The following KPNA7 variants were observed in gnomAD, a reference collection of about 807,000 sequenced individuals.
The protein encoded by KPNA7 is karyopherin subunit alpha 7.
Under a neutral mutation model 53.7 loss-of-function variants are expected in KPNA7, and 54 were observed. That is an observed-to-expected ratio of 1.01 (90% CI 0.81 to 1.26). The LOEUF is 1.26. KPNA7 is among the 50% of genes most tolerant of loss of function. The pLI is 0.00. For synonymous variants in KPNA7, 276 were observed against 259.3 expected (o/e 1.06, Z -0.62); for missense variants, 640 against 644.5 (o/e 0.99, Z 0.07).
the KPNA7 span, among the ~76,000 whole-genome samples, chr7:99,153,128 C>G: frequency 1.3e-5 from 2 of 152,102 alleles, no homozygotes; most frequent in Non-Finnish European, 2.9e-5. Context: ...CATCTTTCCC[C>G]GAAGGAGTTT....
chr7:99,198,376 A>G (rs1790337180), intron 3 of KPNA7, among the ~76,000 whole-genome samples: 1 of 152,192 alleles, frequency 6.6e-6, no homozygotes, highest in Non-Finnish European at 1.5e-5. Context: ...AAATTCAACA[A>G]AATAGGAGGA....
upstream of KPNA7, among the ~76,000 whole-genome samples, chr7:99,208,588 T>C (rs1790938274): frequency 6.6e-6 from 1 of 151,346 alleles, no homozygotes; most frequent in Non-Finnish European, 1.5e-5. Flanking sequence ...TGTTTGTTTT[T>C]GTAGAGTCGG....
At chr7:99,160,084 G>T in the KPNA7 span, among the ~76,000 whole-genome samples, 1 of 139,506 alleles carries the variant, frequency 7.2e-6, no homozygotes, top group Non-Finnish European at 1.5e-5. Flanking sequence ...GAGTGCAGTG[G>T]TACGATCCTG....
chr7:99,211,802 G>C (rs1791077895), upstream of KPNA7, among the ~76,000 whole-genome samples: 1 of 152,118 alleles, frequency 6.6e-6, no homozygotes, highest in East Asian at 1.9e-4. Context: ...CCACAGCCTG[G>C]GAAAGAATAG....
chr7:99,213,426 C>CT (rs773541005), intron 1 of KPNA7, among the ~76,000 whole-genome samples: 3 of 99,326 alleles, frequency 3.0e-5, no homozygotes, highest in South Asian at 7.8e-4. Flanking sequence ...TGCACCTGGC[C>CT]TTTTAAAAAA....
the KPNA7 span, among the ~76,000 whole-genome samples, chr7:99,164,695 G>C: frequency 6.6e-6 from 1 of 152,240 alleles, no homozygotes; most frequent in East Asian, 1.9e-4. Context: ...AGGAGGCCTG[G>C]AGAGGCAGGA....
chr7:99,208,381 G>A (rs373766834), upstream of KPNA7, among the ~76,000 whole-genome samples: 8 of 151,814 alleles, frequency 5.3e-5, no homozygotes, highest in East Asian at 1.9e-4. Flanking sequence ...TCAGCCTCCC[G>A]AGTAGCTGGG....
chr7:99,152,633 C>T, the KPNA7 span, among the ~76,000 whole-genome samples: 17 of 152,224 alleles, frequency 1.1e-4, no homozygotes, highest in Middle Eastern at 3.4e-3. Context: ...ATACTTGGGA[C>T]GTATCTTTGG....
At chr7:99,166,175 C>G in the KPNA7 span, among the ~76,000 whole-genome samples, 1 of 152,276 alleles carries the variant, frequency 6.6e-6, no homozygotes, top group East Asian at 1.9e-4. Flanking sequence ...ACCACCCAGA[C>G]TCAGGTATTT....
intron 7 of KPNA7, among the ~76,000 whole-genome samples, chr7:99,185,850 G>A (rs866942306): frequency 1.3e-5 from 2 of 152,212 alleles, no homozygotes; most frequent in Non-Finnish European, 1.5e-5. Flanking sequence ...GAGTATAGTG[G>A]TACGATTTTG....
At chr7:99,174,809 A>ATT (rs1798841035) in intron 10 of KPNA7, among the ~76,000 whole-genome samples, 3 of 142,138 alleles carry the variant, frequency 2.1e-5, no homozygotes, top group Non-Finnish European at 3.0e-5. Context: ...GAGGTCTCTT[A>ATT]TTTATTATTT....
intron 1 of KPNA7, among the ~76,000 whole-genome samples, chr7:99,215,638 C>T (rs569399364): frequency 5.5e-4 from 83 of 152,170 alleles, no homozygotes; most frequent in African/African-American, 1.9e-3. Context: ...TCTTTCCCTT[C>T]ACATGGCTGT....
the KPNA7 span, among the ~76,000 whole-genome samples, chr7:99,164,533 T>C: frequency 6.6e-6 from 1 of 152,070 alleles, no homozygotes; most frequent in Non-Finnish European, 1.5e-5. Context: ...GTATACCTAA[T>C]GTAAATGACG....
intron 7 of KPNA7, among the ~76,000 whole-genome samples, chr7:99,187,555 A>ATTTTT (rs36042018): frequency 4.0e-5 from 5 of 124,408 alleles, no homozygotes; most frequent in Admixed American, 9.0e-5. Flanking sequence ...CACCCAGCTA[A>ATTTTT]TTTTTTTTTT....
Position 99,188,541 on chromosome 7 carries a change from G to A in KPNA7, c.659C>T (p.Thr220Met), listed in dbSNP as rs887469291. The A allele has an allele frequency of 9.0e-6, 14 of 1,551,424 alleles. No individual in the cohort carries two copies. Among genetic ancestry groups the A allele is most frequent in the Admixed American group, 5.9e-5 (3 of 50,970 alleles). The change falls in exon 7 of 11, where the codon ACG (threonine) becomes ATG (methionine). Residue 220 changes from threonine to methionine, a missense_variant. By Grantham distance (81) the Thr-to-Met change is moderately conservative (BLOSUM62 -1). Transcript: ENST00000327442. ...TLPITFLRNI[T>M]WTLSNLCRNK... Reference sequence around the variant, plus strand: ...TCGGCACAGATTCGACAAGGTCCACGTGATGTTCCGCAGAAATGTGATCTG... The same window carrying A: ...TCGGCACAGATTCGACAAGGTCCACATGATGTTCCGCAGAAATGTGATCTG...
At position 99,219,177 on chromosome 7, in the gene KPNA7, G is replaced by A. The variant is rs538048526; in HGVS notation, c.-23-11688C>T. 7.2e-5 allele frequency among the ~76,000 whole-genome samples: 11 copies of A among 152,348 alleles called. No individual in the cohort carries two copies. In the South Asian group the frequency reaches 1.2e-3, roughly 17 times the overall value. On this transcript the variant is annotated intron_variant, in intron 1 of 10. Coordinates refer to the KPNA7 transcript ENST00000681060. ...TCAGGGAGGCTGAGGGGCGAGGCCC[G>A]GGTCTCCCAGGTGAGTCTCATGTTC...
Position 99,188,489 on chromosome 7 carries a change from A to C in KPNA7, c.711T>G (p.Thr237=). 6.4e-7 allele frequency: 1 copy of C among 1,551,726 alleles called. No homozygotes were observed. The highest frequency in any genetic ancestry group is 8.7e-7 in the Non-Finnish European group (1 of 1,147,000). ...GGGCCGGCAGTATCTGCTTCACCGC[A>C]GTGTCGCAAGGGTATGGGTTCTTGT... ...CRNKNPYPCD[T]AVKQILPALL... The change falls in exon 7 of 11, where the codon ACT becomes ACG. Residue 237 remains threonine, a synonymous_variant. Coordinates refer to ENST00000327442, the MANE Select transcript of KPNA7 (RefSeq NM_001145715.3).
At chr7:99,152,624 T>C in the KPNA7 span, among the ~76,000 whole-genome samples, 2 of 152,214 alleles carry the variant, frequency 1.3e-5, no homozygotes, top group African/African-American at 4.8e-5. Flanking sequence ...AATTTAAATA[T>C]ACTTGGGACG....
intron 2 of KPNA7, among the ~76,000 whole-genome samples, chr7:99,205,712 G>A (rs879584784): frequency 5.3e-5 from 8 of 151,734 alleles, no homozygotes; most frequent in Non-Finnish European, 8.8e-5. Context: ...TTAGCCAGGC[G>A]TAATTGTGCA....
Sources: allele counts gnomAD v4.1 joint callset (sites outside exome capture counted in the v4.1 genomes callset), GRCh38; gene constraint gnomAD v4.1.1; transcripts MANE v1.5; gene names NCBI Gene and HGNC (gene_info 2026-07-23, HGNC 2026-07-21).